SMOC2: variants seen among roughly 807,000 people sequenced by gnomAD.
The protein encoded by SMOC2 is SPARC-related modular calcium-binding protein 2.
Under a neutral mutation model 61.4 loss-of-function variants are expected in SMOC2, and 39 were observed. That is an observed-to-expected ratio of 0.64 (90% CI 0.49 to 0.83). The LOEUF (loss-of-function observed/expected upper bound fraction) is 0.83, where lower values mean the gene tolerates loss of function less well. Ranked by LOEUF, SMOC2 falls within the 40% of genes least tolerant of loss-of-function variation. The pLI is 0.00. For synonymous variants in SMOC2, 247 were observed against 239.9 expected (o/e 1.03, Z -0.27); for missense variants, 556 against 592.9 (o/e 0.94, Z 0.65).
intron 7 of SMOC2, among the ~76,000 whole-genome samples, chr6:168,571,117 G>A (rs375813057): frequency 4.7e-4 from 72 of 152,286 alleles, no homozygotes; most frequent in African/African-American, 1.6e-3. Context: ...AGCATGGACC[G>A]CTGTGTGTAT....
chr6:168,597,043 T>C (rs921052559), intron 7 of SMOC2, among the ~76,000 whole-genome samples: 4 of 152,270 alleles, frequency 2.6e-5, no homozygotes, highest in Non-Finnish European at 5.9e-5. Context: ...GAAGACACGA[T>C]GACTTCACTT....
chr6:168,451,607 C>G (rs1781466139), intron 1 of SMOC2, among the ~76,000 whole-genome samples: 1 of 150,406 alleles, frequency 6.6e-6, no homozygotes, highest in African/African-American at 2.5e-5. Context: ...CTGTCTCTCT[C>G]TCTCTCTCTC....
chr6:168,495,891 C>T (rs1782577612), intron 1 of SMOC2, among the ~76,000 whole-genome samples: 1 of 152,264 alleles, frequency 6.6e-6, no homozygotes, highest in Non-Finnish European at 1.5e-5. Flanking sequence ...CCTTGGCCTC[C>T]TCACCGATGA....
At position 168,505,263 on chromosome 6, in the gene SMOC2, G is replaced by A. The variant is rs13209248; in HGVS notation, c.85-4652G>A. Among the ~76,000 whole-genome samples the A allele has an allele frequency of 1.8e-4, 27 of 146,158 alleles. 1 individual carries two copies. Among genetic ancestry groups the A allele is most frequent in the African/African-American group, 5.7e-4 (22 of 38,470 alleles). ...AGATGAATGAGTGAATGAAATGTCC[G>A]TCTCTCAGATGCTGGATGAATGACT... On this transcript the variant is annotated intron_variant, in intron 1 of 12. Coordinates refer to ENST00000356284, the MANE Select transcript of SMOC2 (RefSeq NM_001166412.2).
intron 1 of SMOC2, among the ~76,000 whole-genome samples, chr6:168,465,186 C>T (rs971789497): frequency 6.6e-6 from 1 of 152,250 alleles, no homozygotes; most frequent in Non-Finnish European, 1.5e-5. Context: ...TTTTTAACAA[C>T]AAAATGAATC....
In SMOC2 at chr6:168,501,761, G is replaced by A. The variant is rs547147388; in HGVS notation, c.85-8154G>A. Among the ~76,000 whole-genome samples, 32 of 152,360 alleles carry A rather than the reference G, an allele frequency of 2.1e-4. No individual in the cohort carries two copies. In the East Asian group the frequency reaches 4.4e-3, roughly 21 times the overall value. On this transcript the variant is annotated intron_variant, in intron 1 of 12. Coordinates refer to ENST00000356284, the MANE Select transcript of SMOC2 (RefSeq NM_001166412.2). ...TCCGTACCCAACAGCGTCACCCAGG[G>A]GTGGCTGGGGTTCAGCCTTGCTTGG...
chr6:168,606,941 C>T (rs528816970), intron 8 of SMOC2, among the ~76,000 whole-genome samples: 3 of 152,158 alleles, frequency 2.0e-5, no homozygotes, highest in East Asian at 1.9e-4. Context: ...ATGGGAGGGG[C>T]AGGGGGCTGG....
chr6:168,655,288 A>G, intron 11 of SMOC2: 2 of 412,776 alleles, frequency 4.8e-6, no homozygotes, highest in Non-Finnish European at 9.9e-6. Flanking sequence ...CCAGTTCACA[A>G]GCCGTAAAAT....
At chr6:168,520,519 A>G (rs1583076475) in intron 2 of SMOC2, among the ~76,000 whole-genome samples, 1 of 152,246 alleles carries the variant, frequency 6.6e-6, no homozygotes, top group African/African-American at 2.4e-5. Flanking sequence ...AAGAGTTTAC[A>G]TGGCCGTGGC....
At chr6:168,480,666 C>G (rs1430930039) in intron 1 of SMOC2, among the ~76,000 whole-genome samples, 1 of 150,636 alleles carries the variant, frequency 6.6e-6, no homozygotes, top group African/African-American at 2.4e-5. Context: ...TATGGGAGTC[C>G]CAGAAGTAGA....
At chr6:168,562,999 CG>C in intron 7 of SMOC2, among the ~76,000 whole-genome samples, 1 of 152,338 alleles carries the variant, frequency 6.6e-6, no homozygotes, top group Non-Finnish European at 1.5e-5. Context: ...CTCCCCGGAA[CG>C]GGGGCTGGGA....
intron 1 of SMOC2, among the ~76,000 whole-genome samples, chr6:168,504,183 G>T (rs777749956): frequency 1.3e-5 from 2 of 151,954 alleles, no homozygotes; most frequent in Non-Finnish European, 2.9e-5. Flanking sequence ...TTAGATGGGC[G>T]GTCCCCAACC....
At position 168,617,421 on chromosome 6, in the gene SMOC2, G is replaced by C. The variant is rs368595904; in HGVS notation, c.907+9182G>C. On this transcript the variant is annotated intron_variant, in intron 9 of 12. Transcript: ENST00000356284. ...AGGAGCTTTTCTCACACCCAAGGAC[G>C]GGTCTCCCAGGGGCCCAGGGCACTG... is the stretch of plus-strand genomic sequence containing the variant. Among the ~76,000 whole-genome samples, 15 of 152,238 alleles carry C rather than the reference G, an allele frequency of 9.9e-5. No individual in the cohort carries two copies. The South Asian group carries it at 2.9e-3, about 30-fold the overall frequency.
intron 1 of SMOC2, 89 bp downstream of exon 1, chr6:168,441,543 C>T (rs1340765331): frequency 2.2e-6 from 3 of 1,367,682 alleles, no homozygotes; most frequent in Non-Finnish European, 2.8e-6. Context: ...GCTCCAGGCC[C>T]AGGCGCCTGG....
intron 9 of SMOC2, among the ~76,000 whole-genome samples, chr6:168,645,674 G>A (rs947198359): frequency 1.3e-5 from 2 of 152,222 alleles, no homozygotes; most frequent in African/African-American, 4.8e-5. Flanking sequence ...ACCCCAAGGT[G>A]CCCAGCAGGT....
intron 11 of SMOC2, among the ~76,000 whole-genome samples, chr6:168,662,002 T>C (rs1234618498): frequency 6.6e-6 from 1 of 152,250 alleles, no homozygotes; most frequent in African/African-American, 2.4e-5. Context: ...TTTCATACTC[T>C]GTTTCTATTT....
rs1212225008 is a variant in SMOC2, at chr6:168,586,444, C to T, written c.638-12374C>T. ...TATTAGTCCCCCAGTGTGGCTCTTTCGGAAGAAAACTTTGAATAAGTTAGG... is the reference window on the plus strand; with the variant it reads ...TATTAGTCCCCCAGTGTGGCTCTTTTGGAAGAAAACTTTGAATAAGTTAGG... On this transcript the variant is annotated intron_variant, in intron 7 of 12. Coordinates refer to ENST00000356284, the MANE Select transcript of SMOC2 (RefSeq NM_001166412.2). Among the ~76,000 whole-genome samples the T allele has an allele frequency of 3.9e-5, 6 of 152,078 alleles. No homozygotes were observed. The South Asian group carries it at 6.2e-4, about 16-fold the overall frequency.
At chr6:168,663,382 G>C (rs1474688244) in intron 11 of SMOC2, among the ~76,000 whole-genome samples, 1 of 152,210 alleles carries the variant, frequency 6.6e-6, no homozygotes, top group African/African-American at 2.4e-5. Flanking sequence ...CATCTCTCCT[G>C]ATTTTAATAT....
intron 1 of SMOC2, among the ~76,000 whole-genome samples, chr6:168,473,747 T>C (rs1782018957): frequency 6.6e-6 from 1 of 152,078 alleles, no homozygotes; most frequent in South Asian, 2.1e-4. Flanking sequence ...GGGCACAGTC[T>C]ATGCAAAGCC....
Sources: allele counts gnomAD v4.1 joint callset (sites outside exome capture counted in the v4.1 genomes callset), GRCh38; gene constraint gnomAD v4.1.1; transcripts MANE v1.5; gene names NCBI Gene and HGNC (gene_info 2026-07-23, HGNC 2026-07-21).